PRKAG2: variants seen among roughly 807,000 people sequenced by gnomAD.
The protein encoded by PRKAG2 is protein kinase AMP-activated non-catalytic subunit gamma 2.
PRKAG2 carries 26 observed loss-of-function variants against 69.6 expected under a neutral mutation model. That is an observed-to-expected ratio of 0.37 (90% CI 0.27 to 0.52). The LOEUF is 0.52. Among genes scored for constraint, PRKAG2 ranks in the 20% least tolerant of loss-of-function variants. The pLI is 0.90. For synonymous variants in PRKAG2, 293 were observed against 285.0 expected (o/e 1.03, Z -0.28); for missense variants, 557 against 740.0 (o/e 0.75, Z 2.87).
chr7:151,875,724 C>A (rs914664451), intron 1 of PRKAG2, among the ~76,000 whole-genome samples: 1 of 151,958 alleles, frequency 6.6e-6, no homozygotes, highest in African/African-American at 2.4e-5. Context: ...CGCGGGCTAC[C>A]GGGGCGCCTT....
chr7:151,848,172 A>G (rs1404797024), intron 1 of PRKAG2, among the ~76,000 whole-genome samples: 2 of 152,208 alleles, frequency 1.3e-5, no homozygotes, highest in Admixed American at 1.3e-4. Context: ...CTCCTACAAA[A>G]TTCATGCTGA....
intron 4 of PRKAG2, among the ~76,000 whole-genome samples, chr7:151,670,128 ATGCACACACACCTG>A (rs1831770732): frequency 6.9e-6 from 1 of 145,734 alleles, no homozygotes; most frequent in Non-Finnish European, 1.5e-5. Flanking sequence ...ACACACTTGC[ATGCACACACACCTG>A]TGCACACACC....
chr7:151,589,544 C>A (rs913624797), intron 6 of PRKAG2, among the ~76,000 whole-genome samples: 10 of 152,228 alleles, frequency 6.6e-5, no homozygotes, highest in African/African-American at 2.2e-4. Flanking sequence ...TTTCAGTTAC[C>A]AGTTAATTTA....
intron 1 of PRKAG2, among the ~76,000 whole-genome samples, chr7:151,857,668 C>G (rs1039112822): frequency 1.3e-5 from 2 of 152,248 alleles, no homozygotes. Context: ...CACCAGCACA[C>G]AGCTGTGTGG....
At chr7:151,656,374 G>A (rs1290352243) in intron 4 of PRKAG2, among the ~76,000 whole-genome samples, 4 of 152,294 alleles carry the variant, frequency 2.6e-5, no homozygotes, top group African/African-American at 7.2e-5. Flanking sequence ...TGGCCAACAT[G>A]GTGAAACCCC....
At chr7:151,608,715 G>A (rs1287230125) in intron 5 of PRKAG2, among the ~76,000 whole-genome samples, 1 of 151,868 alleles carries the variant, frequency 6.6e-6, no homozygotes, top group Non-Finnish European at 1.5e-5. Flanking sequence ...GGTGAATCTA[G>A]ATTTAATAAC....
intron 5 of PRKAG2, among the ~76,000 whole-genome samples, chr7:151,623,744 G>C (rs550020438): frequency 3.9e-5 from 6 of 152,114 alleles, no homozygotes. Flanking sequence ...GAGACTCTAA[G>C]GTGAATCTGA....
chr7:151,695,656 G>C (rs1332267237), intron 3 of PRKAG2, among the ~76,000 whole-genome samples: 2 of 152,216 alleles, frequency 1.3e-5, no homozygotes, highest in African/African-American at 4.8e-5. Flanking sequence ...CAGAGCCTCA[G>C]TTCAGCCATC....
chr7:151,576,219 G>T, intron 7 of PRKAG2, 152 bp downstream of exon 7: 1 of 809,726 alleles, frequency 1.2e-6, no homozygotes, highest in Non-Finnish European at 2.1e-6. Context: ...GAGATTACGG[G>T]CATGGGCCAC....
intron 3 of PRKAG2, among the ~76,000 whole-genome samples, chr7:151,711,798 T>G (rs1040232373): frequency 6.6e-6 from 1 of 152,218 alleles, no homozygotes; most frequent in Non-Finnish European, 1.5e-5. Flanking sequence ...TGCAGGTTCC[T>G]GAGAGCCGCT....
At chr7:151,802,273 G>C (rs2077878371) in intron 1 of PRKAG2, among the ~76,000 whole-genome samples, 1 of 152,142 alleles carries the variant, frequency 6.6e-6, no homozygotes, top group African/African-American at 2.4e-5. Flanking sequence ...AAGCCCCCTG[G>C]ATCATGAACT....
chr7:151,730,684 C>T (rs772838028), intron 3 of PRKAG2, among the ~76,000 whole-genome samples: 1 of 150,832 alleles, frequency 6.6e-6, no homozygotes, highest in African/African-American at 2.4e-5. Context: ...TGGATGGGGG[C>T]GGGAGAGACC....
intron 15 of PRKAG2, chr7:151,558,113 C>T: frequency 1.0e-6 from 1 of 985,324 alleles, no homozygotes. Context: ...ATCAGACTGC[C>T]CACACACTGG....
rs10244196 is a variant in PRKAG2 at position 151,668,270 on chromosome 7, A to C, written c.684+7150T>G. 4.7e-3 allele frequency among the ~76,000 whole-genome samples: 723 copies of C among 152,328 alleles called. 3 individuals are homozygous for C. The highest frequency in any genetic ancestry group is 0.017 in the African/African-American group (691 of 41,576). On this transcript the variant is annotated intron_variant, in intron 4 of 15. Transcript: ENST00000287878. Reference sequence around the variant, plus strand: ...GCTTTCCATGAGTGGAAGAGGCATGAGGCCTTCATCAGATGCAGCTGCTCC... The same window carrying C: ...GCTTTCCATGAGTGGAAGAGGCATGCGGCCTTCATCAGATGCAGCTGCTCC...
chr7:151,599,967 G>A (rs1563223799), intron 5 of PRKAG2, among the ~76,000 whole-genome samples: 2 of 152,134 alleles, frequency 1.3e-5, no homozygotes, highest in African/African-American at 2.4e-5. Flanking sequence ...CTTCCATGGG[G>A]CCTGACACTA....
chr7:151,565,721 T>C lies in PRKAG2; in HGVS notation c.1398A>G (p.Ser466=). 1.2e-6 allele frequency: 2 copies of C among 1,613,102 alleles called. No individual in the cohort carries two copies. The highest frequency in any genetic ancestry group is 1.7e-6 in the Non-Finnish European group (2 of 1,179,058). Residue 466 remains serine, a splice_region_variant and synonymous_variant, in exon 12 of 16, where the codon TCA becomes TCG. Coordinates refer to ENST00000287878, the MANE Select transcript of PRKAG2 (RefSeq NM_016203.4). ...RISALPVVDE[S]GKVVDIYSKF... ...CCTGTCAGCGCCAAACACACAAACC[T>C]GACTCATCCACAACAGGCAGAGCTG... is the stretch of plus-strand genomic sequence containing the variant.
intron 4 of PRKAG2, among the ~76,000 whole-genome samples, chr7:151,661,856 T>C (rs568535939): frequency 5.1e-4 from 78 of 152,340 alleles, no homozygotes; most frequent in African/African-American, 1.8e-3. Context: ...AAGGGAACAC[T>C]GGTATTAGGT....
intron 3 of PRKAG2, among the ~76,000 whole-genome samples, chr7:151,767,396 T>C (rs2075791534): frequency 6.6e-6 from 1 of 152,228 alleles, no homozygotes; most frequent in Non-Finnish European, 1.5e-5. Context: ...GTTCAAGCGA[T>C]TCTCCTGCCT....
chr7:151,788,763 G>A lies in PRKAG2; in HGVS notation c.115-2222C>T, dbSNP rs1164281227. ...TTTTCCCGTATGTTTTCTTCTAAGA[G>A]TTTTATATTTTATGGTTTTAGCTCT... On this transcript the variant is annotated intron_variant, in intron 1 of 15. Transcript: ENST00000287878. The surrounding 1 kb of genome is among the most constrained non-coding windows in gnomAD (Gnocchi z 4.6). Among the ~76,000 whole-genome samples, 2 of 152,152 alleles carry A rather than the reference G, an allele frequency of 1.3e-5. No homozygotes were observed. The highest frequency in any genetic ancestry group is 2.1e-4 in the South Asian group (1 of 4,828).
Sources: gnomAD v4.1 joint callset for allele counts (sites outside exome capture counted in the v4.1 genomes callset) on GRCh38, gnomAD v4.1.1 for gene constraint, Gnocchi (gnomAD v3.1) non-coding constraint, MANE v1.5 for transcripts, NCBI Gene and HGNC (gene_info 2026-07-23, HGNC 2026-07-21) for gene names.